PAPPA2: variants seen among roughly 807,000 people sequenced by gnomAD.
The protein encoded by PAPPA2 is pappalysin-2.
PAPPA2 carries 86 observed loss-of-function variants against 176.4 expected under a neutral mutation model. The observed-to-expected ratio is 0.49, with a 90% CI of 0.41 to 0.58. PAPPA2 has a LOEUF of 0.58. Ranked by LOEUF, PAPPA2 falls within the 20% of genes least tolerant of loss-of-function variation. The pLI is 0.00. For synonymous variants in PAPPA2, 809 were observed against 852.2 expected (o/e 0.95, Z 0.88); for missense variants, 2,073 against 2,256.9 (o/e 0.92, Z 1.65).
intron 3 of PAPPA2, among the ~76,000 whole-genome samples, chr1:176,664,184 C>T (rs374278088): frequency 4.6e-5 from 7 of 152,272 alleles, no homozygotes; most frequent in African/African-American, 1.7e-4. Flanking sequence ...TTATTGCAAG[C>T]ATAGTGACTT....
intron 1 of PAPPA2, among the ~76,000 whole-genome samples, chr1:176,524,455 T>C (rs562833616): frequency 2.6e-5 from 4 of 152,096 alleles, no homozygotes; most frequent in Non-Finnish European, 5.9e-5. Flanking sequence ...TTATAACAAC[T>C]CAACACTACA....
intron 1 of PAPPA2, among the ~76,000 whole-genome samples, chr1:176,521,958 C>T (rs893554154): frequency 8.6e-5 from 13 of 151,982 alleles, no homozygotes; most frequent in African/African-American, 2.2e-4. Context: ...CTAGGGCCTC[C>T]CTCTCCTTGA....
intron 1 of PAPPA2, 147 bp downstream of exon 1, chr1:176,463,565 G>A (rs1384161951): frequency 6.6e-6 from 1 of 152,272 alleles, no homozygotes; most frequent in African/African-American, 2.4e-5. Flanking sequence ...AGCCCTGTAA[G>A]CGGGGATGAG....
At chr1:176,658,525 G>A (rs1658148511) in intron 3 of PAPPA2, among the ~76,000 whole-genome samples, 1 of 152,006 alleles carries the variant, frequency 6.6e-6, no homozygotes, top group Admixed American at 6.6e-5. Context: ...ATGACATAGG[G>A]ATTCAGATAT....
intron 1 of PAPPA2, among the ~76,000 whole-genome samples, chr1:176,496,504 G>A (rs1647630354): frequency 6.6e-6 from 1 of 152,058 alleles, no homozygotes; most frequent in African/African-American, 2.4e-5. Context: ...GTATTGCCGA[G>A]TGTTCCTTTA....
intron 4 of PAPPA2, among the ~76,000 whole-genome samples, chr1:176,688,605 G>A (rs1485556097): frequency 1.3e-5 from 2 of 152,198 alleles, no homozygotes; most frequent in Non-Finnish European, 2.9e-5. Flanking sequence ...ATAAGTAGTA[G>A]AAATAATAAA....
intron 21 of PAPPA2, among the ~76,000 whole-genome samples, chr1:176,827,392 C>A (rs1215356767): frequency 6.6e-6 from 1 of 152,194 alleles, no homozygotes; most frequent in Non-Finnish European, 1.5e-5. Flanking sequence ...GAGAAAACCA[C>A]AGATATATCT....
intron 3 of PAPPA2, among the ~76,000 whole-genome samples, chr1:176,666,608 T>TGTGTGTGA (rs1553384532): frequency 9.9e-6 from 1 of 101,280 alleles, no homozygotes; most frequent in Non-Finnish European, 2.0e-5. Flanking sequence ...TGTGTGTGTG[T>TGTGTGTGA]GAGAGAGAGA....
chr1:176,484,930 G>T (rs1432608392), intron 1 of PAPPA2, among the ~76,000 whole-genome samples: 1 of 152,248 alleles, frequency 6.6e-6, no homozygotes, highest in South Asian at 2.1e-4. Flanking sequence ...TTTCTATGGC[G>T]GTTTCTGCTC....
chr1:176,551,133 G>A (rs1035182005), intron 1 of PAPPA2, among the ~76,000 whole-genome samples: 1 of 152,170 alleles, frequency 6.6e-6, no homozygotes, highest in Admixed American at 6.6e-5. Context: ...GGAATCACAA[G>A]TTACCCCCGA....
chr1:176,493,293 A>G (rs945860509), intron 1 of PAPPA2, among the ~76,000 whole-genome samples: 3 of 152,166 alleles, frequency 2.0e-5, no homozygotes, highest in African/African-American at 7.2e-5. Context: ...TCAACCCCTG[A>G]TATTTGCCTC....
chr1:176,623,146 A>G (rs187196725), intron 3 of PAPPA2, among the ~76,000 whole-genome samples: 27 of 152,328 alleles, frequency 1.8e-4, no homozygotes, highest in Admixed American at 2.0e-4. Context: ...TGGTAAGGGA[A>G]GTCACTGACT....
chr1:176,634,359 A>T (rs1656536563), intron 3 of PAPPA2, among the ~76,000 whole-genome samples: 1 of 152,164 alleles, frequency 6.6e-6, no homozygotes, highest in Non-Finnish European at 1.5e-5. Context: ...CAAACACTGC[A>T]TGTTCTCACT....
intron 3 of PAPPA2, among the ~76,000 whole-genome samples, chr1:176,670,615 T>G (rs1259092925): frequency 6.6e-6 from 1 of 152,196 alleles, no homozygotes; most frequent in Non-Finnish European, 1.5e-5. Flanking sequence ...GAAGGCCTTC[T>G]TCACTATGGC....
chr1:176,474,462 C>T (rs889150028), intron 1 of PAPPA2, among the ~76,000 whole-genome samples: 4 of 152,164 alleles, frequency 2.6e-5, no homozygotes, highest in Non-Finnish European at 5.9e-5. Flanking sequence ...AGGAAATGAG[C>T]TGGATGTTTT....
At chr1:176,677,634 A>G (rs182234466) in intron 4 of PAPPA2, among the ~76,000 whole-genome samples, 2 of 152,106 alleles carry the variant, frequency 1.3e-5, no homozygotes, top group African/African-American at 4.8e-5. Flanking sequence ...GCCCTTTTAT[A>G]CCTTGGATAC....
chr1:176,683,453 C>A (rs1416112699), intron 4 of PAPPA2, among the ~76,000 whole-genome samples: 1 of 152,182 alleles, frequency 6.6e-6, no homozygotes, highest in Non-Finnish European at 1.5e-5. Context: ...CAAGTCTTGG[C>A]ATACACATTC....
intron 1 of PAPPA2, among the ~76,000 whole-genome samples, chr1:176,523,767 C>T (rs1391763623): frequency 6.6e-6 from 1 of 152,128 alleles, no homozygotes; most frequent in African/African-American, 2.4e-5. Flanking sequence ...TATACCTACC[C>T]CATTTAGCAA....
rs147453736 is a variant in PAPPA2 at position 176,516,085 on chromosome 1, A to G, written c.-916-39322A>G. On this transcript the variant is annotated intron_variant, in intron 1 of 22. Transcript: ENST00000367662. The stretch of plus-strand genomic sequence containing the variant: ...GTGGCTCTTGTTCTCATCACAGGAC[A>G]ACATGTTCTCAAGACACCCACAATT... 1.1e-4 allele frequency among the ~76,000 whole-genome samples: 17 copies of G among 152,268 alleles called. No individual in the cohort carries two copies. The East Asian group carries it at 3.1e-3, about 28-fold the overall frequency.
Sources: gnomAD v4.1 joint callset for allele counts (sites outside exome capture counted in the v4.1 genomes callset) on GRCh38, gnomAD v4.1.1 for gene constraint, MANE v1.5 for transcripts, NCBI Gene and HGNC (gene_info 2026-07-23, HGNC 2026-07-21) for gene names.